Variants in DELE1 observed in about 807,000 individuals in gnomAD.
DELE1 encodes DAP3 binding cell death enhancer 1.
Under a neutral mutation model 59.3 loss-of-function variants are expected in DELE1, and 54 were observed. The observed-to-expected ratio is 0.91, with a 90% CI of 0.73 to 1.14. The LOEUF is 1.14. Ranked by LOEUF, DELE1 falls within the 50% of genes most tolerant of loss-of-function variation. DELE1 has a pLI of 0.00. For synonymous variants in DELE1, 264 were observed against 259.1 expected (o/e 1.02, Z -0.18); for missense variants, 636 against 643.9 (o/e 0.99, Z 0.13).
In DELE1 at chr5:141,938,699, G is replaced by A. The variant is rs150060512; in HGVS notation, c.1488G>A (p.Arg496=). ...GAGCCAGCCTGGAAGCCTCCAGCAGGGCTATTCCCCCACACCCCTACCCAC... is the reference window on the plus strand; with the variant it reads ...GAGCCAGCCTGGAAGCCTCCAGCAGAGCTATTCCCCCACACCCCTACCCAC... The part of the protein sequence containing the change: ...HLGASLEASS[R]AIPPHPYPLE... Residue 496 remains arginine, a synonymous_variant, in exon 12 of 12, where the codon AGG becomes AGA. Coordinates refer to ENST00000432126, the MANE Select transcript of DELE1 (RefSeq NM_014773.5). 10 of 1,613,928 alleles carry A rather than the reference G, an allele frequency of 6.2e-6. No individual in the cohort carries two copies. The Admixed American group carries it at 8.3e-5, about 13-fold the overall frequency.
Position 141,940,425 on chromosome 5 carries a change from AGAGAGCCCACC to A in DELE1, c.*1668_*1678del, listed in dbSNP as rs1752665534. ...GTTGAGAGTGGGGTCTGGGAGGGAT[AGAGAGCCCACC>A]GCCCACCCCCCACAATCCCATGACT... On this transcript the variant is annotated 3_prime_UTR_variant, in exon 12 of 12. Coordinates refer to ENST00000432126, the MANE Select transcript of DELE1 (RefSeq NM_014773.5). 1.1e-6 allele frequency: 1 copy of A among 922,444 alleles called. No homozygotes were observed. The highest frequency in any genetic ancestry group is 1.1e-4 in the Admixed American group (1 of 9,522). The allele number at this position is 922,444 out of a possible 1,614,324, so 57.1% of individuals were successfully genotyped here.
At position 141,925,386 on chromosome 5, in the gene DELE1, A is replaced by T. The variant is rs543811131; in HGVS notation, c.147-24A>T. On this transcript the variant is annotated intron_variant, in intron 2 of 11. Coordinates refer to ENST00000432126, the MANE Select transcript of DELE1 (RefSeq NM_014773.5). The stretch of plus-strand genomic sequence containing the variant: ...CCTGGTCTCCCTTTGCCCCTACTTG[A>T]TAGCCTCTTATTTCATCATCTAGGT... The T allele has an allele frequency of 7.3e-6, 11 of 1,506,186 alleles. 1 individual carries two copies. The South Asian group carries it at 1.4e-4, about 19-fold the overall frequency. 93.3% of individuals were successfully genotyped at this position (1,506,186 alleles called of 1,614,324 possible).
In DELE1 at chr5:141,928,171, C is replaced by T. The variant is rs1380672269; in HGVS notation, c.285C>T (p.Ala95=). ...AISWGTLAVL[A]LQLARQIHFQ... The stretch of plus-strand genomic sequence containing the variant: ...CCCAGGGCACTCTGGCCGTGCTGGC[C>T]CTGCAGCTGGCAAGGCAGATCCACT... Residue 95 remains alanine, a synonymous_variant, in exon 4 of 12, where the codon GCC becomes GCT. Coordinates refer to ENST00000432126, the MANE Select transcript of DELE1 (RefSeq NM_014773.5). 21 of 1,613,950 alleles carry T rather than the reference C, an allele frequency of 1.3e-5. No homozygotes were observed. The highest frequency in any genetic ancestry group is 1.8e-5 in the Non-Finnish European group (21 of 1,179,872).
In DELE1 at chr5:141,938,952, T is replaced by C; in HGVS notation, c.*193T>C. ...CGCTTGGTAGCCTCACAGATGAGTC[T>C]TGGATGCATTCACAGTCATTTCTGG... is the stretch of plus-strand genomic sequence containing the variant. On this transcript the variant is annotated 3_prime_UTR_variant, in exon 12 of 12. Coordinates refer to ENST00000432126, the MANE Select transcript of DELE1 (RefSeq NM_014773.5). The C allele has an allele frequency of 3.5e-6, 5 of 1,416,290 alleles. No homozygotes were observed. The highest frequency in any genetic ancestry group is 4.6e-6 in the Non-Finnish European group (5 of 1,088,732). The allele number at this position is 1,416,290 out of a possible 1,614,324, so 87.7% of individuals were successfully genotyped here. A position where few individuals can be genotyped will look rare whatever the true frequency, so the allele number is the denominator to read the frequency against.
Position 141,930,064 on chromosome 5 carries a change from C to T in DELE1, c.647C>T (p.Thr216Ile), listed in dbSNP as rs770356193. Reference protein sequence around the residue: ...SEAKPAQPQPTGEKEQDKSKT... With the variant: ...SEAKPAQPQPIGEKEQDKSKT... ...GCAAAACCAGCCCAGCCTCAGCCCA[C>T]TGGTGAAAAGGTATTATCCAGATTT... The change falls in exon 6 of 12, where the codon ACT becomes ATT. Residue 216 changes from threonine (T) to isoleucine (I), a missense_variant. By Grantham distance (89) the Thr-to-Ile change is moderately conservative. Coordinates refer to ENST00000432126, the MANE Select transcript of DELE1 (RefSeq NM_014773.5). 1.2e-6 allele frequency: 2 copies of T among 1,614,190 alleles called. No individual in the cohort carries two copies. The highest frequency in any genetic ancestry group is 1.7e-6 in the Non-Finnish European group (2 of 1,180,016).
In DELE1 at chr5:141,934,299, T is replaced by G. The variant is rs1752182645; in HGVS notation, c.957T>G (p.Tyr319Ter). ...SQGHSLAQYR[Y>*]ARCLLRDPAS... ...GCCACAGCCTGGCTCAGTACCGCTA[T>G]GCCAGGTGCCTACTACGAGACCCAG... The change falls in exon 9 of 12, where the codon TAT becomes TAG. Residue 319 changes from tyrosine (Y) to a stop codon, truncating the protein, a stop_gained. Coordinates refer to ENST00000432126, the MANE Select transcript of DELE1 (RefSeq NM_014773.5). LOFTEE classifies it high-confidence loss of function. The G allele has an allele frequency of 6.2e-7, 1 of 1,614,046 alleles. No individual in the cohort carries two copies. Among genetic ancestry groups the G allele is most frequent in the Non-Finnish European group, 8.5e-7 (1 of 1,179,924 alleles).
In DELE1 at chr5:141,924,024, G is replaced by A. The variant is rs781505051; in HGVS notation, c.31+52G>A. On this transcript the variant is annotated intron_variant, in intron 1 of 11. Transcript: ENST00000432126. ...CACTCTGGGCCGCAAAGACCGAACT[G>A]GAGTGGGGGCGGGCCCGAGGAAACA... The A allele has an allele frequency of 1.6e-5, 26 of 1,588,870 alleles. No individual in the cohort carries two copies. The South Asian group carries it at 2.7e-4, about 17-fold the overall frequency.
At chr5:141,925,615 A>C in intron 3 of DELE1, 88 bp downstream of exon 3, 1 of 720,496 alleles carries the variant, frequency 1.4e-6, no homozygotes, top group Non-Finnish European at 2.2e-6. Flanking sequence ...AACAAGGGCT[A>C]GGGAATCACT....
chr5:141,929,719 C>T lies in DELE1; in HGVS notation c.550C>T (p.Pro184Ser), dbSNP rs770012506. Residue 184 changes from proline (P) to serine (S), a missense_variant, in exon 5 of 12, where the codon CCT becomes TCT. Physicochemically the swap from Pro to Ser is moderately conservative, Grantham distance 74 (BLOSUM62 -1). Transcript: ENST00000432126. ...FSHNSLRGARPQDPSEEGPGD... is the reference protein window; with the variant it reads ...FSHNSLRGARSQDPSEEGPGD... ...ACACAACTCTTTGAGAGGAGCTCGTCCTCAGGACCCCTCTGAGGAAGGTAT... is the reference window on the plus strand; with the variant it reads ...ACACAACTCTTTGAGAGGAGCTCGTTCTCAGGACCCCTCTGAGGAAGGTAT... The T allele has an allele frequency of 8.7e-6, 14 of 1,614,086 alleles. No homozygotes were observed. In the East Asian group the frequency reaches 2.0e-4, roughly 23 times the overall value.
Position 141,930,181 on chromosome 5 carries a change from C to T in DELE1, c.661C>T (p.Gln221Ter). 6.2e-7 allele frequency: 1 copy of T among 1,612,822 alleles called. No individual in the cohort carries two copies. Among genetic ancestry groups the T allele is most frequent in the Non-Finnish European group, 8.5e-7 (1 of 1,179,024 alleles). ...AQPQPTGEKE[Q>*]DKSKTLSLEE... ...GTCTTTTATATTTCTTTCCCAGGAA[C>T]AAGATAAATCAAAAACTCTTTCCCT... The change falls in exon 7 of 12, where the codon CAA becomes TAA. Residue 221 changes from glutamine to a stop codon, truncating the protein, a stop_gained. Transcript: ENST00000432126. LOFTEE classifies it high-confidence loss of function.
At chr5:141,931,441 G>C (rs1751901352) in intron 7 of DELE1, among the ~76,000 whole-genome samples, 1 of 152,186 alleles carries the variant, frequency 6.6e-6, no homozygotes, top group African/African-American at 2.4e-5. Context: ...AGCAGGAGCA[G>C]GAAAGGGGGC....
At position 141,939,375 on chromosome 5, in the gene DELE1, AG is replaced by A. The variant is rs1052883645; in HGVS notation, c.*620del. 2.1e-6 allele frequency: 2 copies of A among 974,816 alleles called. No individual in the cohort carries two copies. Among genetic ancestry groups the A allele is most frequent in the African/African-American group, 3.5e-5 (2 of 56,966 alleles). The allele number at this position is 974,816 out of a possible 1,614,324, so 60.4% of individuals were successfully genotyped here. A position where few individuals can be genotyped will look rare whatever the true frequency, so the allele number is the denominator to read the frequency against. ...GATCCAGAGAGGTAGCAAAAATCACAGGGGTGGTTCCATGAATGGCTGACAC... is the reference window on the plus strand; with the variant it reads ...GATCCAGAGAGGTAGCAAAAATCACAGGGTGGTTCCATGAATGGCTGACAC... On this transcript the variant is annotated 3_prime_UTR_variant, in exon 12 of 12. Transcript: ENST00000432126.
In DELE1 at chr5:141,930,198, T is replaced by G; in HGVS notation, c.678T>G (p.Thr226=). 3.7e-6 allele frequency: 6 copies of G among 1,613,806 alleles called. No individual in the cohort carries two copies. Among genetic ancestry groups the G allele is most frequent in the Non-Finnish European group, 5.1e-6 (6 of 1,179,708 alleles). The change falls in exon 7 of 12, where the codon ACT becomes ACG. Residue 226 remains threonine, a synonymous_variant. Coordinates refer to ENST00000432126, the MANE Select transcript of DELE1 (RefSeq NM_014773.5). ...TGEKEQDKSK[T]LSLEEAVTSI... ...CCCAGGAACAAGATAAATCAAAAACTCTTTCCCTTGAGGAGGCTGTGACTT... is the reference window on the plus strand; with the variant it reads ...CCCAGGAACAAGATAAATCAAAAACGCTTTCCCTTGAGGAGGCTGTGACTT...
In DELE1 at chr5:141,939,293, C is replaced by T; in HGVS notation, c.*534C>T. The T allele has an allele frequency of 1.5e-6, 1 of 669,170 alleles. No individual in the cohort carries two copies. Among genetic ancestry groups the T allele is most frequent in the Non-Finnish European group, 1.8e-6 (1 of 542,996 alleles). The allele number at this position is 669,170 out of a possible 1,614,324, so 41.5% of individuals were successfully genotyped here. On this transcript the variant is annotated 3_prime_UTR_variant, in exon 12 of 12. Coordinates refer to ENST00000432126, the MANE Select transcript of DELE1 (RefSeq NM_014773.5). ...GATGTTCTGTCTAGGATAAAGCTAA[C>T]TGTAAAAAAAAATAGTGAATCAGTT... is the stretch of plus-strand genomic sequence containing the variant.
Position 141,925,411 on chromosome 5 carries a change from TCAGGTCCCCATGGCC to T in DELE1, c.153_167del (p.Pro52_Gly56del). 1 of 1,576,250 alleles carries T rather than the reference TCAGGTCCCCATGGCC, an allele frequency of 6.3e-7. No individual in the cohort carries two copies. Among genetic ancestry groups the T allele is most frequent in the Non-Finnish European group, 8.6e-7 (1 of 1,161,462 alleles). On this transcript the variant is annotated inframe_deletion and splice_region_variant, in exon 3 of 12. Coordinates refer to ENST00000432126, the MANE Select transcript of DELE1 (RefSeq NM_014773.5). ...ATAGCCTCTTATTTCATCATCTAGGTCAGGTCCCCATGGCCCAGGCACGAGCGGGGGTCCAAGGTC... is the reference window on the plus strand; with the variant it reads ...ATAGCCTCTTATTTCATCATCTAGGTCAGGCACGAGCGGGGGTCCAAGGTC...
rs1371559298 is a variant in DELE1 at position 141,941,870 on chromosome 5, A to T, written c.*3111A>T. 1.0e-6 allele frequency: 1 copy of T among 985,240 alleles called. No individual in the cohort carries two copies. The highest frequency in any genetic ancestry group is 1.2e-6 in the Non-Finnish European group (1 of 829,880). The allele number at this position is 985,240 out of a possible 1,614,324, so 61.0% of individuals were successfully genotyped here. ...ATGCCCAGCACCAAGCCTACCCAGCACATAGTAGGTACTTTAAGTAATTTG... is the reference window on the plus strand; with the variant it reads ...ATGCCCAGCACCAAGCCTACCCAGCTCATAGTAGGTACTTTAAGTAATTTG... On this transcript the variant is annotated 3_prime_UTR_variant, in exon 12 of 12. Coordinates refer to ENST00000432126, the MANE Select transcript of DELE1 (RefSeq NM_014773.5).
At position 141,940,672 on chromosome 5, in the gene DELE1, C is replaced by T; in HGVS notation, c.*1913C>T. On this transcript the variant is annotated 3_prime_UTR_variant, in exon 12 of 12. Coordinates refer to ENST00000432126, the MANE Select transcript of DELE1 (RefSeq NM_014773.5). ...CTCCCTGCCTCCTTTTCAGGGCTGC[C>T]CTGCACACTGGCTCACCACTGTTGG... 2.0e-6 allele frequency: 2 copies of T among 984,106 alleles called. No homozygotes were observed. The highest frequency in any genetic ancestry group is 2.4e-6 in the Non-Finnish European group (2 of 828,556). The allele number at this position is 984,106 out of a possible 1,614,324, so 61.0% of individuals were successfully genotyped here.
At chr5:141,932,941 A>G (rs910995375) in intron 7 of DELE1, among the ~76,000 whole-genome samples, 5 of 151,886 alleles carry the variant, frequency 3.3e-5, no homozygotes, top group African/African-American at 1.2e-4. Context: ...CTAAAAATAC[A>G]AAAGTTAGCC....
chr5:141,933,526 C>T (rs868192319), intron 8 of DELE1, 125 bp downstream of exon 8: 6 of 652,542 alleles, frequency 9.2e-6, no homozygotes, highest in Admixed American at 4.1e-5. Flanking sequence ...AGCCCAGCTG[C>T]GAAGGAAAAA....
Sources: allele counts gnomAD v4.1 joint callset (sites outside exome capture counted in the v4.1 genomes callset), GRCh38; gene constraint gnomAD v4.1.1; transcripts MANE v1.5; gene names NCBI Gene and HGNC (gene_info 2026-07-23, HGNC 2026-07-21).